Variants in PPP2R2B observed in about 807,000 individuals in gnomAD.
PPP2R2B encodes the protein protein phosphatase 2 regulatory subunit Bbeta.
Under a neutral mutation model 46.0 loss-of-function variants are expected in PPP2R2B, and 5 were observed. The observed-to-expected ratio is 0.11, with a 90% CI of 0.06 to 0.23. The LOEUF (loss-of-function observed/expected upper bound fraction) is 0.23. Among genes scored for constraint, PPP2R2B ranks in the 10% least tolerant of loss-of-function variants. The pLI is 1.00. For missense variants in PPP2R2B, 367 were observed against 575.0 expected (o/e 0.64, Z 3.70); for synonymous variants, 215 against 206.7 (o/e 1.04, Z -0.34).
chr5:146,966,293 C>G (rs1421630700), intron 1 of PPP2R2B, among the ~76,000 whole-genome samples: 2 of 152,164 alleles, frequency 1.3e-5, no homozygotes. Flanking sequence ...TATGTCAGGT[C>G]ACCTGGTCAC....
In PPP2R2B at chr5:146,698,142, A is replaced by G; in HGVS notation, c.171T>C (p.Ser57=). 5.7e-6 allele frequency: 9 copies of G among 1,588,894 alleles called. No homozygotes were observed. The highest frequency in any genetic ancestry group is 6.0e-6 in the Non-Finnish European group (7 of 1,171,930). Residue 57 remains serine (S), a splice_region_variant and synonymous_variant, in exon 4 of 10, where the codon AGT becomes AGC. Coordinates refer to ENST00000394411, the MANE Select transcript of PPP2R2B (RefSeq NM_181675.4). ...RVVIFQREQE[S]KNQVHRRGEY... ...CACCCCTACGATGAACCTGATTTTTACTCTGTAGGAAAGGAAAAAAATACA... is the reference window on the plus strand; with the variant it reads ...CACCCCTACGATGAACCTGATTTTTGCTCTGTAGGAAAGGAAAAAAATACA...
intron 1 of PPP2R2B, among the ~76,000 whole-genome samples, chr5:146,959,964 A>C (rs1752095575): frequency 6.6e-6 from 1 of 152,208 alleles, no homozygotes. Flanking sequence ...TGACTCTGAA[A>C]GCCATGGAGG....
rs1338703227 is a variant in PPP2R2B, at chr5:146,900,546, CCTTCCTTT to C, written c.79+155111_79+155118del. 6.2e-4 allele frequency among the ~76,000 whole-genome samples: 64 copies of C among 103,158 alleles called. 1 individual carries two copies. The highest frequency in any genetic ancestry group is 9.4e-4 in the African/African-American group (22 of 23,388). 67.7% of individuals were successfully genotyped at this position (103,158 alleles called of 152,430 possible). ...TTCTCCTTTCCTTTCCTTTCTTTTT[CCTTCCTTT>C]CTTCCTTCCTTCCTTCCTTCCTTCC... On this transcript the variant is annotated intron_variant, in intron 1 of 8. Transcript: ENST00000336640.
chr5:146,905,682 A>G (rs993621141), intron 1 of PPP2R2B, among the ~76,000 whole-genome samples: 1 of 152,382 alleles, frequency 6.6e-6, no homozygotes, highest in South Asian at 2.1e-4. Context: ...ACTCACTCCT[A>G]TTAAATACCC....
At chr5:147,018,694 T>C (rs1202596541) in intron 1 of PPP2R2B, among the ~76,000 whole-genome samples, 1 of 152,148 alleles carries the variant, frequency 6.6e-6, no homozygotes, top group East Asian at 1.9e-4. Flanking sequence ...TTAGTTTCAT[T>C]TGTCATGGGA....
At chr5:146,777,738 C>G (rs1755273874) in intron 2 of PPP2R2B, among the ~76,000 whole-genome samples, 1 of 152,056 alleles carries the variant, frequency 6.6e-6, no homozygotes, top group Admixed American at 6.6e-5. Flanking sequence ...TTTTTCTATG[C>G]ACAATTGAGA....
intron 7 of PPP2R2B, among the ~76,000 whole-genome samples, chr5:146,632,022 T>A (rs529322078): frequency 1.8e-4 from 28 of 151,890 alleles, no homozygotes; most frequent in African/African-American, 6.8e-4. Context: ...GTGTTCTTGA[T>A]GACTTTTATG....
At chr5:146,930,009 G>A (rs1285837549) in intron 1 of PPP2R2B, among the ~76,000 whole-genome samples, 1 of 152,092 alleles carries the variant, frequency 6.6e-6, no homozygotes. Flanking sequence ...ATTAGAAATC[G>A]GTCCCTGGTC....
intron 2 of PPP2R2B, among the ~76,000 whole-genome samples, chr5:146,727,849 G>A (rs116597208): frequency 0.018 from 2,800 of 151,868 alleles, 80 homozygotes; most frequent in African/African-American, 0.06. Flanking sequence ...ATACCCAATT[G>A]CTCCCCCTTC....
chr5:146,685,085 G>A lies in PPP2R2B; in HGVS notation c.447+6043C>T, dbSNP rs140987832. ...CTTTGTAGTGCATGCTTAGTACAGT[G>A]TGTAGCATAGTAGACACTGAGATAC... On this transcript the variant is annotated intron_variant, in intron 5 of 9. Coordinates refer to ENST00000394411, the MANE Select transcript of PPP2R2B (RefSeq NM_181675.4). Among the ~76,000 whole-genome samples, 18 of 152,312 alleles carry A rather than the reference G, an allele frequency of 1.2e-4. No individual in the cohort carries two copies. The East Asian group carries it at 3.5e-3, about 29-fold the overall frequency.
intron 7 of PPP2R2B, among the ~76,000 whole-genome samples, chr5:146,609,150 C>G (rs536430462): frequency 2.0e-5 from 3 of 152,156 alleles, no homozygotes; most frequent in African/African-American, 7.2e-5. Context: ...GTCATATCAA[C>G]AGAATGAAGG....
chr5:146,591,528 G>C (rs1321076196), intron 9 of PPP2R2B, among the ~76,000 whole-genome samples: 1 of 151,960 alleles, frequency 6.6e-6, no homozygotes, highest in African/African-American at 2.4e-5. Flanking sequence ...ATTGCTAATT[G>C]GTGGTAAAGT....
chr5:146,665,146 C>T (rs897258217), intron 5 of PPP2R2B, among the ~76,000 whole-genome samples: 2 of 152,166 alleles, frequency 1.3e-5, no homozygotes, highest in Non-Finnish European at 2.9e-5. Flanking sequence ...TTAGCCCCTA[C>T]TGAAAGGGTC....
intron 1 of PPP2R2B, among the ~76,000 whole-genome samples, chr5:146,961,833 C>G (rs1752184644): frequency 6.6e-6 from 1 of 151,874 alleles, no homozygotes; most frequent in Non-Finnish European, 1.5e-5. Flanking sequence ...AGGAATGGAT[C>G]ATAAAGCAAA....
At chr5:146,696,272 T>A (rs1213689409) in intron 4 of PPP2R2B, among the ~76,000 whole-genome samples, 3 of 151,980 alleles carry the variant, frequency 2.0e-5, no homozygotes, top group Admixed American at 2.0e-4. Flanking sequence ...CCCGGCTAAT[T>A]TTTTTGTATT....
chr5:146,655,812 T>G (rs1776288789), intron 5 of PPP2R2B, among the ~76,000 whole-genome samples: 1 of 149,622 alleles, frequency 6.7e-6, no homozygotes, highest in Admixed American at 6.7e-5. Context: ...AAACGGGTCC[T>G]GCCTGGGGAT....
chr5:146,704,680 C>G (rs374604408), intron 2 of PPP2R2B, among the ~76,000 whole-genome samples: 1 of 152,122 alleles, frequency 6.6e-6, no homozygotes, highest in African/African-American at 2.4e-5. Flanking sequence ...AAGATGGTGG[C>G]CTGGTAACCC....
chr5:146,927,130 G>A (rs577653853), intron 1 of PPP2R2B, among the ~76,000 whole-genome samples: 2 of 152,262 alleles, frequency 1.3e-5, no homozygotes, highest in African/African-American at 4.8e-5. Context: ...GTTCCTGAGT[G>A]ATGTCCCATG....
At chr5:146,940,744 C>G (rs753337899) in intron 1 of PPP2R2B, among the ~76,000 whole-genome samples, 1 of 152,158 alleles carries the variant, frequency 6.6e-6, no homozygotes, top group Non-Finnish European at 1.5e-5. Context: ...CCAAATCACA[C>G]TAGGTGCATA....
Sources: gnomAD v4.1 joint callset for allele counts (sites outside exome capture counted in the v4.1 genomes callset) on GRCh38, gnomAD v4.1.1 for gene constraint, MANE v1.5 for transcripts, NCBI Gene and HGNC (gene_info 2026-07-23, HGNC 2026-07-21) for gene names.